The following ZNF704 variants were observed in gnomAD, a reference collection of about 807,000 sequenced individuals.
ZNF704 encodes the protein zinc finger protein 704, also known as glucocorticoid induced gene 1.
In ZNF704, 10 loss-of-function variants were observed where a neutral mutation model predicts 44.7. That is an observed-to-expected ratio of 0.22 (90% CI 0.14 to 0.38). The LOEUF (loss-of-function observed/expected upper bound fraction) is 0.38, where lower values mean the gene tolerates loss of function less well. ZNF704 is among the 10% of genes least tolerant of loss of function. ZNF704 has a pLI of 1.00. For synonymous variants in ZNF704, 211 were observed against 207.6 expected (o/e 1.02, Z -0.14); for missense variants, 390 against 545.5 (o/e 0.71, Z 2.84).
At chr8:80,700,582 C>T (rs1175512883) in intron 2 of ZNF704, among the ~76,000 whole-genome samples, 2 of 152,174 alleles carry the variant, frequency 1.3e-5, no homozygotes, top group Non-Finnish European at 2.9e-5. Flanking sequence ...CTGAGTTCTA[C>T]CTATTTAAGT....
chr8:80,761,108 C>T (rs771544023), intron 2 of ZNF704, among the ~76,000 whole-genome samples: 25 of 152,154 alleles, frequency 1.6e-4, no homozygotes, highest in Non-Finnish European at 2.9e-4. Context: ...TATACAAGGG[C>T]TGCAAGGAAT....
At chr8:80,775,384 G>T (rs901306141) in intron 2 of ZNF704, among the ~76,000 whole-genome samples, 3 of 152,186 alleles carry the variant, frequency 2.0e-5, no homozygotes, top group African/African-American at 7.2e-5. Flanking sequence ...ATAAAGCATG[G>T]ATGCTAATGT....
chr8:80,642,953 T>C, intron 8 of ZNF704, 82 bp downstream of exon 8: 1 of 919,242 alleles, frequency 1.1e-6, no homozygotes, highest in Non-Finnish European at 1.5e-6. Context: ...TAGAAGATCA[T>C]TTCTCAGGGT....
intron 2 of ZNF704, among the ~76,000 whole-genome samples, chr8:80,704,600 G>A (rs1011454391): frequency 6.6e-6 from 1 of 152,188 alleles, no homozygotes; most frequent in South Asian, 2.1e-4. Context: ...ACCTCTGGGG[G>A]TGGTGGGGGA....
At chr8:80,819,466 A>G (rs893593846) in intron 2 of ZNF704, among the ~76,000 whole-genome samples, 6 of 152,142 alleles carry the variant, frequency 3.9e-5, no homozygotes, top group Non-Finnish European at 8.8e-5. Flanking sequence ...GTCTAATGGA[A>G]ATTTTATGTA....
At chr8:80,733,397 T>C (rs2131683130) in intron 2 of ZNF704, among the ~76,000 whole-genome samples, 1 of 152,344 alleles carries the variant, frequency 6.6e-6, no homozygotes, top group Non-Finnish European at 1.5e-5. Flanking sequence ...TTTGAGGCTT[T>C]GATAAAACAC....
intron 7 of ZNF704, among the ~76,000 whole-genome samples, chr8:80,650,444 G>C (rs1817899526): frequency 6.6e-6 from 1 of 152,194 alleles, no homozygotes; most frequent in Admixed American, 6.5e-5. Context: ...TGGCTAACCA[G>C]AATAACCAAT....
intron 2 of ZNF704, among the ~76,000 whole-genome samples, chr8:80,800,557 A>T (rs1807882279): frequency 6.6e-6 from 1 of 152,184 alleles, no homozygotes; most frequent in Admixed American, 6.5e-5. Flanking sequence ...CATCCGGCCA[A>T]ATTAAACTTC....
chr8:80,727,762 A>T (rs547835795), intron 2 of ZNF704, among the ~76,000 whole-genome samples: 1 of 152,158 alleles, frequency 6.6e-6, no homozygotes, highest in Non-Finnish European at 1.5e-5. Context: ...AGCCCACTGC[A>T]GCAGGAGAGC....
chr8:80,721,696 T>C (rs1408087487), intron 2 of ZNF704, among the ~76,000 whole-genome samples: 1 of 152,226 alleles, frequency 6.6e-6, no homozygotes, highest in Non-Finnish European at 1.5e-5. Flanking sequence ...AGTTTTTGGA[T>C]GTTCTACATC....
chr8:80,873,949 C>T (rs1809309027), intron 1 of ZNF704, among the ~76,000 whole-genome samples: 1 of 146,604 alleles, frequency 6.8e-6, no homozygotes, highest in African/African-American at 2.4e-5. Context: ...GGGCGGCTTC[C>T]TTGGCGGGCG....
chr8:80,812,606 C>T (rs1178045002), intron 2 of ZNF704: 1 of 152,430 alleles, frequency 6.6e-6, no homozygotes, highest in Non-Finnish European at 1.5e-5. Flanking sequence ...CTTAGGATCT[C>T]CTTTGCTCCT....
intron 2 of ZNF704, among the ~76,000 whole-genome samples, chr8:80,807,031 A>AT (rs2129818390): frequency 6.6e-6 from 1 of 152,336 alleles, no homozygotes; most frequent in African/African-American, 2.4e-5. Context: ...GTGTGGTTTC[A>AT]TTTTTGAGAT....
chr8:80,642,235 C>T (rs947945202), intron 8 of ZNF704, among the ~76,000 whole-genome samples: 19 of 152,134 alleles, frequency 1.2e-4, no homozygotes, highest in Admixed American at 5.2e-4. Context: ...TTCTTACTGT[C>T]GATCTTCGCA....
chr8:80,743,963 A>G (rs115174232), intron 2 of ZNF704, among the ~76,000 whole-genome samples: 3,486 of 152,276 alleles, frequency 0.023, 135 homozygotes, highest in African/African-American at 0.079. Context: ...AAGAAAAAAC[A>G]AAACTTAGTA....
chr8:80,642,412 T>C (rs1488384234), intron 8 of ZNF704, among the ~76,000 whole-genome samples: 1 of 152,184 alleles, frequency 6.6e-6, no homozygotes, highest in African/African-American at 2.4e-5. Flanking sequence ...TGAACACAAG[T>C]ACAGTTCGTT....
chr8:80,690,539 C>G (rs911668071), intron 3 of ZNF704, among the ~76,000 whole-genome samples: 1 of 152,108 alleles, frequency 6.6e-6, no homozygotes, highest in Admixed American at 6.5e-5. Context: ...GGACTACAGG[C>G]GTGTTACCAT....
intron 7 of ZNF704, among the ~76,000 whole-genome samples, chr8:80,648,707 C>T (rs1403309156): frequency 6.6e-6 from 1 of 152,136 alleles, no homozygotes; most frequent in Admixed American, 6.5e-5. Context: ...GCTATATAAG[C>T]TAAGTGTCTT....
chr8:80,656,861 T>C (rs1030340565), intron 7 of ZNF704, among the ~76,000 whole-genome samples: 10 of 152,316 alleles, frequency 6.6e-5, no homozygotes, highest in Middle Eastern at 3.4e-3. Flanking sequence ...TATTTTTTTT[T>C]TGAAAAGCAT....
Sources: allele counts gnomAD v4.1 joint callset (sites outside exome capture counted in the v4.1 genomes callset), GRCh38; gene constraint gnomAD v4.1.1; transcripts MANE v1.5; gene names NCBI Gene and HGNC (gene_info 2026-07-23, HGNC 2026-07-21).